MAK: variants seen among roughly 807,000 people sequenced by gnomAD.
The protein encoded by MAK is male germ cell associated kinase, also known as serine/threonine-protein kinase MAK.
A neutral mutation model predicts 82.6 loss-of-function variants in MAK; 65 were observed. The observed-to-expected ratio is 0.79, with a 90% confidence interval of 0.64 to 0.97. The LOEUF is 0.97. Ranked by LOEUF, MAK falls within the 50% of genes least tolerant of loss-of-function variation. The probability of loss-of-function intolerance (pLI) is 0.00; values close to 1 mark genes in which losing one functional copy is unlikely to be tolerated. For synonymous variants in MAK, 250 were observed against 274.2 expected (o/e 0.91, Z 0.87); for missense variants, 703 against 780.2 (o/e 0.90, Z 1.18).
rs537258053 is a variant in MAK, at chr6:10,779,689, AT to A, written c.1466-4231del. ...TGTCAAGGATTGTTTCTTTTTTTAA[AT>A]TTTTTTATTTTTTGAGACAGTTTCA... On this transcript the variant is annotated intron_variant, in intron 11 of 14. Coordinates refer to ENST00000354489, the MANE Select transcript of MAK (RefSeq NM_001242957.3). Among the ~76,000 whole-genome samples, 18 of 152,098 alleles carry A rather than the reference AT, an allele frequency of 1.2e-4. No homozygotes were observed. In the South Asian group the frequency reaches 1.9e-3, roughly 16 times the overall value.
intron 7 of MAK, chr6:10,802,472 ATT>A: frequency 6.1e-6 from 1 of 163,172 alleles, no homozygotes; most frequent in East Asian, 1.8e-4. Flanking sequence ...CACCTGGCTA[ATT>A]TTTTTTTGTG....
chr6:10,796,013 G>A lies in MAK; in HGVS notation c.1128C>T (p.Val376=), dbSNP rs768120333. The change falls in exon 9 of 15, where the codon GTC becomes GTT. Residue 376 remains valine, a synonymous_variant. Transcript: ENST00000354489. ...KPPQTLFPSI[V]KNMPTKPNGT... Reference sequence around the variant, plus strand: ...GGCTACTCACAGTTGGCATGTTTTTGACGATGCTCGGGAATAGCGTTTGTG... The same window carrying A: ...GGCTACTCACAGTTGGCATGTTTTTAACGATGCTCGGGAATAGCGTTTGTG... The A allele has an allele frequency of 9.3e-6, 15 of 1,613,688 alleles. No individual in the cohort carries two copies. The highest frequency in any genetic ancestry group is 1.2e-5 in the Non-Finnish European group (14 of 1,179,744).
chr6:10,803,951 GTAGCA>G, intron 6 of MAK, 60 bp from the exon 7 acceptor site: 1 of 1,418,694 alleles, frequency 7.0e-7, no homozygotes. Flanking sequence ...TGGATGGGCA[GTAGCA>G]TTCTACGCTG....
At chr6:10,767,140 T>C (rs1347323074) in intron 14 of MAK, among the ~76,000 whole-genome samples, 1 of 152,168 alleles carries the variant, frequency 6.6e-6, no homozygotes. Context: ...TGCTCTGTGT[T>C]TAAAAACTGC....
intron 14 of MAK, 129 bp downstream of exon 14, chr6:10,769,979 CAAA>C (rs966581271): frequency 1.3e-6 from 2 of 1,543,182 alleles, no homozygotes; most frequent in Non-Finnish European, 1.8e-6. Flanking sequence ...TCGGTAAAAA[CAAA>C]AAGAAATGCG....
chr6:10,815,498 C>T (rs1044227177), intron 4 of MAK, among the ~76,000 whole-genome samples: 11 of 151,994 alleles, frequency 7.2e-5, no homozygotes, highest in Non-Finnish European at 1.0e-4. Flanking sequence ...TGGCACGTGC[C>T]TGCAGTCCCA....
intron 2 of MAK, among the ~76,000 whole-genome samples, chr6:10,824,697 T>C (rs759244875): frequency 1.3e-5 from 2 of 152,206 alleles, no homozygotes; most frequent in Non-Finnish European, 2.9e-5. Context: ...GGACTCTTCC[T>C]GACACTGGGC....
intron 5 of MAK, among the ~76,000 whole-genome samples, chr6:10,809,327 G>A (rs911984671): frequency 2.0e-5 from 3 of 152,188 alleles, no homozygotes; most frequent in Non-Finnish European, 2.9e-5. Context: ...GAGGTTGAGG[G>A]CCAGAGTGAA....
chr6:10,815,452 G>A (rs991510443), intron 4 of MAK, among the ~76,000 whole-genome samples: 1 of 152,058 alleles, frequency 6.6e-6, no homozygotes, highest in Non-Finnish European at 1.5e-5. Flanking sequence ...GTGAGACCCT[G>A]TCTCTACTAA....
intron 2 of MAK, among the ~76,000 whole-genome samples, chr6:10,823,758 G>C (rs1238856698): frequency 1.3e-5 from 2 of 152,074 alleles, no homozygotes; most frequent in Non-Finnish European, 2.9e-5. Context: ...TCAAACTCCT[G>C]ACCTCAGGTG....
chr6:10,776,679 C>T lies in MAK; in HGVS notation c.1466-1220G>A, dbSNP rs186254182. 9.9e-5 allele frequency among the ~76,000 whole-genome samples: 15 copies of T among 152,214 alleles called. No homozygotes were observed. The highest frequency in any genetic ancestry group is 3.4e-4 in the African/African-American group (14 of 41,538). ...TTATTTTGAAACCAGAAATACTGCA[C>T]CTCAAAAGTTACCCATTATCAGTTC... is the stretch of plus-strand genomic sequence containing the variant. On this transcript the variant is annotated intron_variant, in intron 11 of 14. Coordinates refer to ENST00000354489, the MANE Select transcript of MAK (RefSeq NM_001242957.3). The surrounding 1 kb of genome is among the most constrained non-coding windows in gnomAD (Gnocchi z 4.3).
At chr6:10,788,929 A>G (rs955340586) in intron 10 of MAK, among the ~76,000 whole-genome samples, 4 of 152,120 alleles carry the variant, frequency 2.6e-5, no homozygotes, top group Non-Finnish European at 5.9e-5. Flanking sequence ...TAGAAACAGT[A>G]TTTTATAAGA....
chr6:10,812,294 A>C (rs1343122061), intron 5 of MAK, among the ~76,000 whole-genome samples: 4 of 152,332 alleles, frequency 2.6e-5, no homozygotes, highest in Admixed American at 1.3e-4. Context: ...AGAACACAGC[A>C]ATGGTATGGG....
At chr6:10,798,522 G>A (rs951798718) in intron 8 of MAK, among the ~76,000 whole-genome samples, 2 of 152,088 alleles carry the variant, frequency 1.3e-5, no homozygotes, top group African/African-American at 4.8e-5. Context: ...AAGGGAAGCA[G>A]TGATCATTGT....
At chr6:10,836,149 C>T (rs967871082) in intron 1 of MAK, among the ~76,000 whole-genome samples, 4 of 152,016 alleles carry the variant, frequency 2.6e-5, no homozygotes, top group Non-Finnish European at 5.9e-5. Context: ...AAGCAAGGAA[C>T]ACGACCATTT....
intron 9 of MAK, among the ~76,000 whole-genome samples, chr6:10,795,698 C>T (rs1038814245): frequency 4.6e-5 from 7 of 151,996 alleles, no homozygotes; most frequent in South Asian, 2.1e-4. Flanking sequence ...GAGCTAAGGT[C>T]GTGCCACTGC....
At chr6:10,813,124 ATATATATATAAATT>A (rs1777146681) in intron 5 of MAK, among the ~76,000 whole-genome samples, 14 of 814 alleles carry the variant, frequency 0.017, no homozygotes, top group East Asian at 0.062. Context: ...ATATATATAT[ATATATATATAAATT>A]TTTTTTTTTT....
At chr6:10,818,814 A>T (rs555286618) in intron 3 of MAK, 72 bp downstream of exon 3, 1 of 823,598 alleles carries the variant, frequency 1.2e-6, no homozygotes, top group African/African-American at 1.7e-5. Flanking sequence ...CACAGAGAAT[A>T]AAATCATCTT....
intron 11 of MAK, among the ~76,000 whole-genome samples, chr6:10,782,202 TCACACA>T (rs746386493): frequency 0.12 from 16,899 of 145,838 alleles, 1,189 homozygotes; most frequent in Admixed American, 0.17. Context: ...TGAAACTCTG[TCACACA>T]CACACACACA....
Sources: gnomAD v4.1 joint callset for allele counts (sites outside exome capture counted in the v4.1 genomes callset) on GRCh38, gnomAD v4.1.1 for gene constraint, Gnocchi (gnomAD v3.1) non-coding constraint, MANE v1.5 for transcripts, NCBI Gene and HGNC (gene_info 2026-07-23, HGNC 2026-07-21) for gene names.